Variants in ERCC6L2 observed in about 807,000 individuals in gnomAD.
ERCC6L2 encodes the protein ERCC excision repair 6 like 2.
A neutral mutation model predicts 132.0 loss-of-function variants in ERCC6L2; 77 were observed. The ratio of observed to expected loss-of-function variants is 0.58; its 90% CI spans 0.49 to 0.71. ERCC6L2 has a LOEUF of 0.71. Among genes scored for constraint, ERCC6L2 ranks in the 30% least tolerant of loss-of-function variants. The pLI is 0.00. For missense variants in ERCC6L2, 1,542 were observed against 1,837.6 expected (o/e 0.84, Z 2.94); for synonymous variants, 583 against 632.4 (o/e 0.92, Z 1.17).
At chr9:96,002,220 A>C (rs1406982120) in intron 17 of ERCC6L2, among the ~76,000 whole-genome samples, 1 of 152,246 alleles carries the variant, frequency 6.6e-6, no homozygotes, top group Non-Finnish European at 1.5e-5. Flanking sequence ...GTGGGAGCCC[A>C]GGCAGGGGAG....
chr9:95,941,636 CTA>C, intron 12 of ERCC6L2, 87 bp downstream of exon 12: 1 of 950,064 alleles, frequency 1.1e-6, no homozygotes, highest in Non-Finnish European at 1.6e-6. Flanking sequence ...TATACTATGA[CTA>C]TGATTAGAAG....
Position 96,007,430 on chromosome 9 carries a change from C to G in ERCC6L2, c.3674+2729C>G, listed in dbSNP as rs138523342. Among the ~76,000 whole-genome samples, 5 of 152,224 alleles carry G rather than the reference C, an allele frequency of 3.3e-5. No individual in the cohort carries two copies. In the East Asian group the frequency reaches 9.7e-4, roughly 29 times the overall value. ...AGATGGGGTGGGAAGCAAGATTAAT[C>G]CAGGATCTTGAGAGTTTAGCTGCTA... On this transcript the variant is annotated intron_variant, in intron 18 of 18. Transcript: ENST00000653738.
rs756461146 is a variant in ERCC6L2, at chr9:95,946,303, C to T, written c.1847+4754C>T. On this transcript the variant is annotated intron_variant, in intron 12 of 18. Coordinates refer to ENST00000653738, the MANE Select transcript of ERCC6L2 (RefSeq NM_020207.7). ...CAGCACTTTGGGAGGCCAACGTGGGCGGATCACGAGGTCAGGTGATCGAGA... is the reference window on the plus strand; with the variant it reads ...CAGCACTTTGGGAGGCCAACGTGGGTGGATCACGAGGTCAGGTGATCGAGA... 2.8e-4 allele frequency among the ~76,000 whole-genome samples: 43 copies of T among 152,166 alleles called. 1 individual carries two copies. The Middle Eastern group carries it at 0.017, about 60-fold the overall frequency.
At chr9:96,021,421 C>A (rs1221814400), downstream of ERCC6L2, 5 of 238,928 alleles carry the variant, frequency 2.1e-5, no homozygotes, top group Non-Finnish European at 4.1e-5. This position sits in a 1 kb window ranked among gnomAD's most constrained non-coding sequence, Gnocchi z 4.7. Context: ...CTGGGGGCTG[C>A]TTCCCGCGGG....
At chr9:95,911,236 G>T (rs546325306) in intron 4 of ERCC6L2, among the ~76,000 whole-genome samples, 1 of 152,214 alleles carries the variant, frequency 6.6e-6, no homozygotes, top group Admixed American at 6.5e-5. Flanking sequence ...CACCCCAAAA[G>T]ATGTTTTGCA....
Position 96,012,884 on chromosome 9 carries a change from T to C in ERCC6L2, c.4334T>C (p.Leu1445Pro). Residue 1445 changes from leucine (L) to proline (P), a missense_variant, in exon 19 of 19, where the codon CTT becomes CCT. This residue lies in a region of ERCC6L2 where 442 missense variants were observed against 583.4 expected (regional missense o/e 0.76). Coordinates refer to ENST00000653738, the MANE Select transcript of ERCC6L2 (RefSeq NM_020207.7). ...VISLLGDTSI[L>P]DDLFKSHGNS... ...AGCTTACTTGGTGATACCTCTATTC[T>C]TGATGACCTTTTTAAAAGTCATGGG... 1.5e-6 allele frequency: 2 copies of C among 1,367,692 alleles called. No individual in the cohort carries two copies. Among genetic ancestry groups the C allele is most frequent in the Non-Finnish European group, 2.0e-6 (2 of 1,021,848 alleles). 84.7% of individuals were successfully genotyped at this position (1,367,692 alleles called of 1,614,324 possible).
chr9:96,036,228 C>T (rs1834517626), intron 19 of ERCC6L2, among the ~76,000 whole-genome samples: 1 of 152,126 alleles, frequency 6.6e-6, no homozygotes, highest in South Asian at 2.1e-4. Context: ...CAGCAACAAC[C>T]CTTCTACTTT....
intron 20 of ERCC6L2, among the ~76,000 whole-genome samples, chr9:96,039,792 C>T (rs995750416): frequency 1.3e-5 from 2 of 152,098 alleles, no homozygotes; most frequent in Non-Finnish European, 1.5e-5. Context: ...GGTCTCTGTC[C>T]CCCAGGGCTG....
chr9:96,034,608 G>T (rs543337747), intron 19 of ERCC6L2, among the ~76,000 whole-genome samples: 58 of 152,292 alleles, frequency 3.8e-4, no homozygotes, highest in African/African-American at 1.4e-3. Flanking sequence ...TAGAGGCCTC[G>T]GGCTGCTTGT....
chr9:96,002,912 C>A (rs1259657893), intron 17 of ERCC6L2, among the ~76,000 whole-genome samples: 14 of 152,068 alleles, frequency 9.2e-5, no homozygotes, highest in African/African-American at 3.4e-4. Flanking sequence ...TTATCTCTTC[C>A]ATTTTCTCTA....
chr9:95,969,757 A>G (rs368092481), intron 14 of ERCC6L2, among the ~76,000 whole-genome samples: 1 of 152,288 alleles, frequency 6.6e-6, no homozygotes, highest in East Asian at 1.9e-4. Context: ...ATCATTCCCT[A>G]GAGTTCCATA....
At chr9:95,889,773 TTCA>T (rs1828063378) in intron 2 of ERCC6L2, among the ~76,000 whole-genome samples, 1 of 152,118 alleles carries the variant, frequency 6.6e-6, no homozygotes, top group Non-Finnish European at 1.5e-5. Context: ...CATCAAGGAA[TTCA>T]GTAAATTCTA....
intron 10 of ERCC6L2, 36 bp from the exon 11 acceptor site, chr9:95,928,683 G>A (rs777064967): frequency 8.4e-6 from 13 of 1,556,080 alleles, no homozygotes; most frequent in Non-Finnish European, 8.7e-6. Context: ...ACTTAACCAA[G>A]ATTCATGTTT....
chr9:95,987,150 AT>A (rs1296374057), intron 17 of ERCC6L2, among the ~76,000 whole-genome samples: 1 of 152,148 alleles, frequency 6.6e-6, no homozygotes, highest in African/African-American at 2.4e-5. Flanking sequence ...TCAAGATGAG[AT>A]TTGGGTGGGG....
intron 2 of ERCC6L2, among the ~76,000 whole-genome samples, chr9:95,897,427 A>G (rs1828523960): frequency 6.6e-6 from 1 of 152,176 alleles, no homozygotes; most frequent in Non-Finnish European, 1.5e-5. Flanking sequence ...TATATTTATT[A>G]GATAAATAGA....
chr9:95,917,402 C>A (rs1006716999), intron 6 of ERCC6L2, among the ~76,000 whole-genome samples: 5 of 152,050 alleles, frequency 3.3e-5, no homozygotes, highest in Non-Finnish European at 5.9e-5. Context: ...TAATGTTGTC[C>A]CAAATAAGGG....
chr9:96,037,037 A>T (rs2133273129), intron 19 of ERCC6L2, among the ~76,000 whole-genome samples: 1 of 152,148 alleles, frequency 6.6e-6, no homozygotes, highest in East Asian at 1.9e-4. Flanking sequence ...AAGTGCTGGG[A>T]TTACAGGCGT....
intron 17 of ERCC6L2, among the ~76,000 whole-genome samples, chr9:96,003,823 C>T (rs1833771856): frequency 6.6e-6 from 1 of 152,150 alleles, no homozygotes; most frequent in African/African-American, 2.4e-5. Context: ...TTTAGTATTT[C>T]TCTTTTTGGA....
intron 13 of ERCC6L2, among the ~76,000 whole-genome samples, chr9:95,965,591 A>G (rs980857267): frequency 2.0e-5 from 3 of 151,884 alleles, no homozygotes; most frequent in African/African-American, 7.3e-5. Context: ...TTGCTTGCAG[A>G]TTCCACTAGG....
Sources: gnomAD v4.1 joint callset for allele counts (sites outside exome capture counted in the v4.1 genomes callset) on GRCh38, gnomAD v4.1.1 for gene constraint, gnomAD v4.1.1 regional missense constraint, Gnocchi (gnomAD v3.1) non-coding constraint, MANE v1.5 for transcripts, NCBI Gene and HGNC (gene_info 2026-07-23, HGNC 2026-07-21) for gene names.